SNW1: variants seen among roughly 807,000 people sequenced by gnomAD.
The protein encoded by SNW1 is SNW domain containing 1.
In SNW1, 9 loss-of-function variants were observed where a neutral mutation model predicts 75.6. That is an observed-to-expected ratio of 0.12 (90% CI 0.07 to 0.21). The LOEUF is 0.21. SNW1 is among the 10% of genes least tolerant of loss of function. The pLI is 1.00. For missense variants in SNW1, 409 were observed against 670.9 expected (o/e 0.61, Z 4.31); for synonymous variants, 200 against 219.1 (o/e 0.91, Z 0.77).
intron 5 of SNW1, among the ~76,000 whole-genome samples, chr14:77,738,443 T>C (rs993866981): frequency 2.8e-4 from 43 of 151,870 alleles, no homozygotes; most frequent in African/African-American, 1.0e-3. Context: ...ACCCTGTCTC[T>C]ACAAAAAATT....
At position 77,760,904 on chromosome 14, in the gene SNW1, G is replaced by A. The variant is rs2080885014; in HGVS notation, c.14+210C>T. ...TCCGCAGCTTTCGGCCTCGGTGAGC[G>A]GGTGAACTAAACCCGGGAAACCGCT... On this transcript the variant is annotated intron_variant, in intron 1 of 13. Transcript: ENST00000261531. 3.9e-5 allele frequency: 42 copies of A among 1,089,618 alleles called. No individual in the cohort carries two copies. In the South Asian group the frequency reaches 5.3e-4, roughly 14 times the overall value. 67.5% of individuals were successfully genotyped at this position (1,089,618 alleles called of 1,614,324 possible).
intron 11 of SNW1, chr14:77,722,773 T>G: frequency 2.5e-6 from 1 of 392,486 alleles, no homozygotes; most frequent in Non-Finnish European, 4.9e-6. Flanking sequence ...GCAAAACTGA[T>G]CTTAGTGGAC....
chr14:77,756,819 C>G lies in SNW1; in HGVS notation c.15-1699G>C, dbSNP rs1453593787. Among the ~76,000 whole-genome samples the G allele has an allele frequency of 2.6e-5, 4 of 152,288 alleles. No individual in the cohort carries two copies. In the East Asian group the frequency reaches 7.7e-4, roughly 29 times the overall value. On this transcript the variant is annotated intron_variant, in intron 1 of 13. Transcript: ENST00000261531. ...ACTTGAATCCGGTAGGTGGAGGGTA[C>G]AGTGAGCCAAGATTGCACCATTGCA...
chr14:77,746,802 T>C (rs1237234791), intron 3 of SNW1, among the ~76,000 whole-genome samples: 1 of 152,052 alleles, frequency 6.6e-6, no homozygotes, highest in African/African-American at 2.4e-5. Context: ...ATTCCATTCA[T>C]GTAAACAACA....
At chr14:77,747,654 T>G (rs924470734) in intron 3 of SNW1, among the ~76,000 whole-genome samples, 14 of 151,336 alleles carry the variant, frequency 9.3e-5, no homozygotes, top group African/African-American at 3.4e-4. Context: ...CCGTCCCATC[T>G]GGGAAGTGAG....
At chr14:77,721,729 CTTAT>C (rs1222367296) in intron 11 of SNW1, among the ~76,000 whole-genome samples, 2 of 151,984 alleles carry the variant, frequency 1.3e-5, no homozygotes, top group East Asian at 1.9e-4. Context: ...CTTTTTCATG[CTTAT>C]TTATTTTTAT....
chr14:77,760,904 G>C, intron 1 of SNW1: 1 of 1,089,736 alleles, frequency 9.2e-7, no homozygotes, highest in Non-Finnish European at 1.4e-6. Flanking sequence ...CTCGGTGAGC[G>C]GGTGAACTAA....
At chr14:77,737,991 C>CA (rs35896717) in intron 5 of SNW1, among the ~76,000 whole-genome samples, 1,335 of 74,146 alleles carry the variant, frequency 0.018, 74 homozygotes, top group Middle Eastern at 0.057. Flanking sequence ...GACTCCATCT[C>CA]AAAAAAAAAA....
At position 77,755,011 on chromosome 14, in the gene SNW1, G is replaced by A. The variant is rs778855649; in HGVS notation, c.124C>T (p.Pro42Ser). 2.5e-6 allele frequency: 4 copies of A among 1,610,356 alleles called. No homozygotes were observed. The highest frequency in any genetic ancestry group is 3.4e-6 in the Non-Finnish European group (4 of 1,178,462). The change falls in exon 2 of 14, where the codon CCC becomes TCC. Residue 42 changes from proline to serine, a missense_variant. Around this residue, in one of 9 missense-constraint regions of SNW1, gnomAD observed 73 missense variants for 68.3 expected, o/e 1.07. Coordinates refer to ENST00000261531, the MANE Select transcript of SNW1 (RefSeq NM_012245.3). Reference protein sequence around the residue: ...TSLVSSRREPPPYGYRKGWIP... With the variant: ...TSLVSSRREPSPYGYRKGWIP... ...CAGCCTTTCCGGTATCCGTACGGGGGAGGTTCTCTTCGGGAGGAGACCAGT... is the reference window on the plus strand; with the variant it reads ...CAGCCTTTCCGGTATCCGTACGGGGAAGGTTCTCTTCGGGAGGAGACCAGT...
Position 77,754,979 on chromosome 14 carries a change from A to G in SNW1, c.156T>C (p.Pro52=). The stretch of plus-strand genomic sequence containing the variant: ...GATCTATATGTACCTCTAATAACCG[A>G]GGTATCCAGCCTTTCCGGTATCCGT... ...PPYGYRKGWI[P]RLLEDFGDGG... The change falls in exon 2 of 14, where the codon CCT becomes CCC. Residue 52 remains proline (P), a synonymous_variant. Coordinates refer to ENST00000261531, the MANE Select transcript of SNW1 (RefSeq NM_012245.3). 1.3e-6 allele frequency: 2 copies of G among 1,599,954 alleles called. No individual in the cohort carries two copies. Among genetic ancestry groups the G allele is most frequent in the Non-Finnish European group, 1.7e-6 (2 of 1,172,664 alleles).
At chr14:77,745,396 A>C (rs534336178) in intron 3 of SNW1, among the ~76,000 whole-genome samples, 1 of 151,634 alleles carries the variant, frequency 6.6e-6, no homozygotes, top group African/African-American at 2.4e-5. Flanking sequence ...GCAAATATTT[A>C]TAGGGAATGC....
chr14:77,754,893 TA>T, intron 2 of SNW1, 73 bp downstream of exon 2: 1 of 1,323,802 alleles, frequency 7.6e-7, no homozygotes, highest in Non-Finnish European at 1.0e-6. Flanking sequence ...TTCTAACATT[TA>T]AATTTATGTT....
chr14:77,753,222 G>A (rs1191322172), intron 2 of SNW1, among the ~76,000 whole-genome samples: 1 of 152,142 alleles, frequency 6.6e-6, no homozygotes, highest in Non-Finnish European at 1.5e-5. Flanking sequence ...ACCACTGATA[G>A]CCAAGTAAGA....
At position 77,718,081 on chromosome 14, in the gene SNW1, C is replaced by T. The variant is rs368637645; in HGVS notation, c.*7G>A. 76 of 1,565,280 alleles carry T rather than the reference C, an allele frequency of 4.9e-5. No homozygotes were observed. In the African/African-American group the frequency reaches 9.0e-4, roughly 19 times the overall value. ...TAAGAGTTCATTCACTTTGGAGAGA[C>T]CTGTGCCTATTCCTTCCTCCTCTTC... On this transcript the variant is annotated 3_prime_UTR_variant, in exon 14 of 14. Coordinates refer to ENST00000261531, the MANE Select transcript of SNW1 (RefSeq NM_012245.3).
At position 77,747,686 on chromosome 14, in the gene SNW1, G is replaced by A. The variant is rs1436941545; in HGVS notation, c.330+3633C>T. Among the ~76,000 whole-genome samples, 3 of 151,018 alleles carry A rather than the reference G, an allele frequency of 2.0e-5. No individual in the cohort carries two copies. In the East Asian group the frequency reaches 5.8e-4, roughly 29 times the overall value. ...TGAGGAGCGACTCCGCCCGGCAGCC[G>A]CCCCGTCCAGGAGGGAGGTGCGGGG... On this transcript the variant is annotated intron_variant, in intron 3 of 13. Transcript: ENST00000261531.
chr14:77,723,087 T>G, intron 11 of SNW1, 94 bp downstream of exon 11: 1 of 898,458 alleles, frequency 1.1e-6, no homozygotes, highest in Non-Finnish European at 1.9e-6. Flanking sequence ...GACCTCGTGA[T>G]CCGCCCGCAT....
intron 6 of SNW1, among the ~76,000 whole-genome samples, chr14:77,736,548 C>CAA (rs11441542): frequency 7.1e-6 from 1 of 141,420 alleles, no homozygotes; most frequent in South Asian, 2.2e-4. Flanking sequence ...GACTGTCTCT[C>CAA]AAAAAACAAA....
At chr14:77,733,455 A>G (rs925989436) in intron 8 of SNW1, among the ~76,000 whole-genome samples, 2 of 151,582 alleles carry the variant, frequency 1.3e-5, no homozygotes, top group Non-Finnish European at 2.9e-5. Context: ...TAGTAAATAG[A>G]AAAAAAAGGC....
At chr14:77,737,165 T>A (rs1384586039) in intron 5 of SNW1, 90 bp from the exon 6 acceptor site, 1 of 910,576 alleles carries the variant, frequency 1.1e-6, no homozygotes, top group Non-Finnish European at 1.8e-6. Flanking sequence ...CTAGACTACA[T>A]TTTCAATTCC....
Sources: allele counts gnomAD v4.1 joint callset (sites outside exome capture counted in the v4.1 genomes callset), GRCh38; gene constraint gnomAD v4.1.1; regional missense constraint gnomAD v4.1.1; transcripts MANE v1.5; gene names NCBI Gene and HGNC (gene_info 2026-07-23, HGNC 2026-07-21).